The following NTM variants were observed in gnomAD, a reference collection of about 807,000 sequenced individuals.
The protein encoded by NTM is IgLON family member 2.
A neutral mutation model predicts 42.1 loss-of-function variants in NTM; 13 were observed. That is an observed-to-expected ratio of 0.31 (90% CI 0.20 to 0.49). The LOEUF is 0.49. Among genes scored for constraint, NTM ranks in the 20% least tolerant of loss-of-function variants. The probability of loss-of-function intolerance (pLI) is 0.99; values close to 1 mark genes in which losing one functional copy is unlikely to be tolerated. For synonymous variants in NTM, 187 were observed against 179.2 expected (o/e 1.04, Z -0.35); for missense variants, 373 against 452.8 (o/e 0.82, Z 1.60).
chr11:131,794,348 C>T (rs79202176), intron 1 of NTM: 6,825 of 299,122 alleles, frequency 0.023, 487 homozygotes, highest in African/African-American at 0.14. Context: ...AATCCTTCAA[C>T]GCAGTGATCC....
chr11:132,067,680 A>AG (rs1474768866), intron 2 of NTM, among the ~76,000 whole-genome samples: 1 of 152,218 alleles, frequency 6.6e-6, no homozygotes, highest in Non-Finnish European at 1.5e-5. Context: ...ATTACATGCA[A>AG]GGCCTGGGAA....
intron 1 of NTM, among the ~76,000 whole-genome samples, chr11:131,684,662 C>T (rs966329737): frequency 3.3e-5 from 5 of 152,250 alleles, no homozygotes; most frequent in African/African-American, 1.2e-4. Context: ...CAGGCCAGCT[C>T]ATCATGCCAC....
At chr11:132,180,674 C>A (rs2077439654) in intron 3 of NTM, among the ~76,000 whole-genome samples, 1 of 152,154 alleles carries the variant, frequency 6.6e-6, no homozygotes, top group African/African-American at 2.4e-5. Flanking sequence ...TCCTGGGCAG[C>A]TGGGTTTAAA....
chr11:131,768,366 C>A (rs2085484183), intron 1 of NTM, among the ~76,000 whole-genome samples: 1 of 152,156 alleles, frequency 6.6e-6, no homozygotes, highest in Admixed American at 6.5e-5. Flanking sequence ...GATCCACCTG[C>A]CTCGGCCTCT....
At chr11:131,758,061 G>A (rs148728621) in intron 1 of NTM, among the ~76,000 whole-genome samples, 1 of 152,132 alleles carries the variant, frequency 6.6e-6, no homozygotes, top group Non-Finnish European at 1.5e-5. Context: ...GACACTACAG[G>A]GCTCCGCTGA....
intron 1 of NTM, among the ~76,000 whole-genome samples, chr11:131,737,052 A>G (rs2080553610): frequency 6.6e-6 from 1 of 152,164 alleles, no homozygotes; most frequent in Non-Finnish European, 1.5e-5. Context: ...CTGTACATTT[A>G]TTTAGCACGC....
At chr11:131,722,281 A>G (rs1349496142) in intron 1 of NTM, among the ~76,000 whole-genome samples, 1 of 152,166 alleles carries the variant, frequency 6.6e-6, no homozygotes, top group Non-Finnish European at 1.5e-5. Flanking sequence ...TAGATAGGGG[A>G]CTATTCTGCA....
At chr11:131,632,405 C>G (rs1007408470) in intron 1 of NTM, among the ~76,000 whole-genome samples, 1 of 152,092 alleles carries the variant, frequency 6.6e-6, no homozygotes, top group Non-Finnish European at 1.5e-5. Context: ...ACTTCTTCAT[C>G]TCAGTCTGAA....
Position 131,396,395 on chromosome 11 carries a change from C to A in NTM, c.82+25507C>A, listed in dbSNP as rs1017411451. 5.9e-5 allele frequency among the ~76,000 whole-genome samples: 9 copies of A among 152,288 alleles called. No individual in the cohort carries two copies. The East Asian group carries it at 1.7e-3, about 29-fold the overall frequency. Reference sequence around the variant, plus strand: ...CACTTTCCTACGCACAGCTTGACCTCCTGCTCTGCAGCCTTCATCCCCGTG... The same window carrying A: ...CACTTTCCTACGCACAGCTTGACCTACTGCTCTGCAGCCTTCATCCCCGTG... On this transcript the variant is annotated intron_variant, in intron 1 of 8. Coordinates refer to ENST00000683400, the MANE Select transcript of NTM (RefSeq NM_001352005.2).
chr11:131,623,875 A>T (rs983809066), intron 1 of NTM, among the ~76,000 whole-genome samples: 3 of 151,974 alleles, frequency 2.0e-5, no homozygotes, highest in Non-Finnish European at 4.4e-5. Context: ...CCAAGGAAAA[A>T]CCTCGGGGCT....
chr11:132,051,288 G>A (rs2078822412), intron 2 of NTM, among the ~76,000 whole-genome samples: 1 of 152,186 alleles, frequency 6.6e-6, no homozygotes, highest in African/African-American at 2.4e-5. Flanking sequence ...ACCCTGTGAA[G>A]CAGGTACCAT....
At chr11:132,259,692 GT>G (rs998506145) in intron 4 of NTM, among the ~76,000 whole-genome samples, 9 of 151,692 alleles carry the variant, frequency 5.9e-5, no homozygotes, top group Admixed American at 5.2e-4. Context: ...AAAACAAGAA[GT>G]TTTTTAGTTG....
chr11:132,072,806 G>C (rs1049603855), intron 2 of NTM, among the ~76,000 whole-genome samples: 1 of 152,122 alleles, frequency 6.6e-6, no homozygotes, highest in African/African-American at 2.4e-5. Context: ...CTTATTTTAC[G>C]GTTGTGATTC....
At chr11:131,751,029 A>G (rs1260642888) in intron 1 of NTM, among the ~76,000 whole-genome samples, 1 of 151,632 alleles carries the variant, frequency 6.6e-6, no homozygotes, top group African/African-American at 2.4e-5. Context: ...GCCTCCACTC[A>G]CCCCACGGCC....
At chr11:132,301,614 G>A (rs959104589) in intron 4 of NTM, among the ~76,000 whole-genome samples, 4 of 152,104 alleles carry the variant, frequency 2.6e-5, no homozygotes, top group African/African-American at 9.7e-5. Context: ...CATCATAATG[G>A]CACTGGGGGA....
At chr11:132,005,154 A>C (rs1049675139) in intron 2 of NTM, among the ~76,000 whole-genome samples, 1 of 152,262 alleles carries the variant, frequency 6.6e-6, no homozygotes, top group Non-Finnish European at 1.5e-5. Context: ...AGTCTAAAAA[A>C]ATATCACTCT....
intron 3 of NTM, among the ~76,000 whole-genome samples, chr11:132,205,226 G>A (rs376609489): frequency 1.1e-4 from 16 of 152,108 alleles, no homozygotes; most frequent in South Asian, 2.1e-4. Context: ...TGCATGCGCC[G>A]TGCAGTTACC....
intron 2 of NTM, among the ~76,000 whole-genome samples, chr11:131,959,418 A>T (rs923726542): frequency 6.6e-6 from 1 of 152,262 alleles, no homozygotes; most frequent in African/African-American, 2.4e-5. Context: ...ACTTGAGCCT[A>T]GGGGCTTGAG....
At chr11:131,874,899 A>C (rs1341557289) in intron 1 of NTM, among the ~76,000 whole-genome samples, 1 of 152,182 alleles carries the variant, frequency 6.6e-6, no homozygotes, top group African/African-American at 2.4e-5. Context: ...TGTGATTTGT[A>C]ATTGAAGAGA....
Sources: allele counts gnomAD v4.1 joint callset (sites outside exome capture counted in the v4.1 genomes callset), GRCh38; gene constraint gnomAD v4.1.1; transcripts MANE v1.5; gene names NCBI Gene and HGNC (gene_info 2026-07-23, HGNC 2026-07-21).